The following ACOXL variants were observed in gnomAD, a reference collection of about 807,000 sequenced individuals.
The protein encoded by ACOXL is acyl-coenzyme A oxidase-like protein.
ACOXL carries 70 observed loss-of-function variants against 71.9 expected under a neutral mutation model. That is an observed-to-expected ratio of 0.97 (90% CI 0.80 to 1.19). The LOEUF (loss-of-function observed/expected upper bound fraction) is 1.19, where lower values mean the gene tolerates loss of function less well. Ranked by LOEUF, ACOXL falls within the 50% of genes most tolerant of loss-of-function variation. The pLI is 0.00. For missense variants in ACOXL, 703 were observed against 736.3 expected, an observed-to-expected ratio of 0.95 and a Z score of 0.52; for synonymous variants, 253 against 281.6, an observed-to-expected ratio of 0.90 and a Z score of 1.02.
intron 9 of ACOXL, among the ~76,000 whole-genome samples, chr2:110,820,863 A>G (rs1472444818): frequency 6.6e-6 from 1 of 152,170 alleles, no homozygotes; most frequent in Non-Finnish European, 1.5e-5. Flanking sequence ...GAAAACTCTA[A>G]TCAAAAAAGC....
intron 10 of ACOXL, among the ~76,000 whole-genome samples, chr2:110,877,115 T>C (rs1025297976): frequency 1.3e-5 from 2 of 152,212 alleles, no homozygotes; most frequent in African/African-American, 2.4e-5. Context: ...AGCAGAATGC[T>C]CAGGAAAGTT....
At position 110,869,698 on chromosome 2, in the gene ACOXL, C is replaced by T. The variant is rs571733319; in HGVS notation, c.788+28293C>T. 6.0e-4 allele frequency among the ~76,000 whole-genome samples: 91 copies of T among 152,306 alleles called. 2 individuals are homozygous for T. In the South Asian group the frequency reaches 0.018, roughly 30 times the overall value. On this transcript the variant is annotated intron_variant, in intron 10 of 17. Transcript: ENST00000439055. ...GAGGCAAAGTAGCCAGTGAGTCATTCGAGCCCATAGCATCTGTCTCCAGAG... is the reference window on the plus strand; with the variant it reads ...GAGGCAAAGTAGCCAGTGAGTCATTTGAGCCCATAGCATCTGTCTCCAGAG...
intron 9 of ACOXL, among the ~76,000 whole-genome samples, chr2:110,814,726 C>A (rs1470106363): frequency 1.3e-5 from 2 of 152,182 alleles, no homozygotes; most frequent in African/African-American, 4.8e-5. Context: ...GATCATATTT[C>A]TTCTCTAGAA....
intron 16 of ACOXL, among the ~76,000 whole-genome samples, chr2:111,081,212 G>T (rs1574700535): frequency 1.3e-5 from 2 of 152,296 alleles, no homozygotes; most frequent in South Asian, 2.1e-4. Flanking sequence ...ATTCAAATAG[G>T]AAGAGAGGAA....
intron 16 of ACOXL, among the ~76,000 whole-genome samples, chr2:111,072,750 A>G (rs903713375): frequency 1.3e-5 from 2 of 152,194 alleles, no homozygotes; most frequent in East Asian, 3.8e-4. Flanking sequence ...GGCAATCAAA[A>G]TGTCTGCAGA....
At chr2:110,877,080 G>A (rs935352644) in intron 10 of ACOXL, among the ~76,000 whole-genome samples, 1 of 152,238 alleles carries the variant, frequency 6.6e-6, no homozygotes, top group African/African-American at 2.4e-5. Flanking sequence ...CTCAGGAGGT[G>A]CCCAGTAGGT....
chr2:110,868,138 G>GTC (rs1268178744), intron 10 of ACOXL, among the ~76,000 whole-genome samples: 11 of 152,332 alleles, frequency 7.2e-5, no homozygotes, highest in African/African-American at 2.4e-4. Flanking sequence ...CTACATTTTT[G>GTC]TGTAACGAAT....
intron 10 of ACOXL, among the ~76,000 whole-genome samples, chr2:110,871,654 G>T (rs1188119726): frequency 6.6e-6 from 1 of 152,134 alleles, no homozygotes; most frequent in Non-Finnish European, 1.5e-5. Flanking sequence ...ATCACTGGTG[G>T]TAAGATGAAA....
rs1450336158 is a variant in ACOXL at position 111,030,857 on chromosome 2, CTG to C, written c.1282-769_1282-768del. Among the ~76,000 whole-genome samples, 4 of 152,302 alleles carry C rather than the reference CTG, an allele frequency of 2.6e-5. No homozygotes were observed. The East Asian group carries it at 7.7e-4, about 29-fold the overall frequency. On this transcript the variant is annotated intron_variant, in intron 14 of 17. Transcript: ENST00000439055. ...CTCTCCTGTCTGGTCAGATAAGAAT[CTG>C]AGACCTTCAGCTCCTCCTAAATGAT... is the stretch of plus-strand genomic sequence containing the variant.
intron 11 of ACOXL, among the ~76,000 whole-genome samples, chr2:110,918,854 T>C (rs1236698515): frequency 6.6e-6 from 1 of 152,214 alleles, no homozygotes; most frequent in East Asian, 1.9e-4. Flanking sequence ...CACAATGAGA[T>C]ACCATCTCAC....
chr2:111,012,273 A>C (rs2064205704), intron 14 of ACOXL, among the ~76,000 whole-genome samples: 2 of 152,332 alleles, frequency 1.3e-5, no homozygotes, highest in South Asian at 4.1e-4. Flanking sequence ...AGCAATAAAT[A>C]ATTTTTTTGA....
intron 12 of ACOXL, among the ~76,000 whole-genome samples, chr2:110,943,965 A>G (rs1045590294): frequency 2.0e-5 from 3 of 152,250 alleles, no homozygotes; most frequent in African/African-American, 7.2e-5. Flanking sequence ...ACTTTACACA[A>G]GAAGGAAACT....
At chr2:111,052,632 C>A (rs1267566180) in intron 16 of ACOXL, among the ~76,000 whole-genome samples, 1 of 152,212 alleles carries the variant, frequency 6.6e-6, no homozygotes, top group African/African-American at 2.4e-5. Context: ...CCATAAATTA[C>A]TCATTTGACC....
chr2:110,914,520 G>A (rs1029429133), intron 11 of ACOXL, among the ~76,000 whole-genome samples: 5 of 152,112 alleles, frequency 3.3e-5, no homozygotes, highest in Non-Finnish European at 7.4e-5. Flanking sequence ...TCATCATTGT[G>A]TACTGACCTG....
At chr2:110,753,478 C>T (rs1275013227) in intron 1 of ACOXL, among the ~76,000 whole-genome samples, 1 of 152,178 alleles carries the variant, frequency 6.6e-6, no homozygotes, top group East Asian at 1.9e-4. Context: ...AACTGGTTTC[C>T]TCCAGAGCAA....
At chr2:110,753,538 TTA>T (rs1193411386) in intron 1 of ACOXL, among the ~76,000 whole-genome samples, 1 of 152,232 alleles carries the variant, frequency 6.6e-6, no homozygotes, top group African/African-American at 2.4e-5. Flanking sequence ...TATATGTCAT[TTA>T]TTGTGTATCA....
intron 14 of ACOXL, among the ~76,000 whole-genome samples, chr2:111,014,584 C>G (rs1443538120): frequency 6.6e-6 from 1 of 152,142 alleles, no homozygotes; most frequent in African/African-American, 2.4e-5. Flanking sequence ...CCATTTCAAG[C>G]AAAATCTTGG....
chr2:110,882,716 C>G (rs7355554), intron 10 of ACOXL, among the ~76,000 whole-genome samples: 49,297 of 151,898 alleles, frequency 0.32, 8,228 homozygotes, highest in Middle Eastern at 0.39. Context: ...GTTCCAGGTC[C>G]CTTTATTGAA....
chr2:110,813,423 A>C (rs1008101708), intron 9 of ACOXL, among the ~76,000 whole-genome samples: 26 of 152,118 alleles, frequency 1.7e-4, no homozygotes, highest in African/African-American at 5.1e-4. Context: ...TGCTTGGGAG[A>C]GGCTTGCCTT....
Sources: gnomAD v4.1 joint callset for allele counts (sites outside exome capture counted in the v4.1 genomes callset) on GRCh38, gnomAD v4.1.1 for gene constraint, MANE v1.5 for transcripts, NCBI Gene and HGNC (gene_info 2026-07-23, HGNC 2026-07-21) for gene names.